The following HMCN1 variants were observed in gnomAD, a reference collection of about 807,000 sequenced individuals.
HMCN1 encodes the protein hemicentin-1.
HMCN1 carries 321 observed loss-of-function variants against 625.9 expected under a neutral mutation model. That is an observed-to-expected ratio of 0.51 (90% CI 0.47 to 0.56). The LOEUF is 0.56. Ranked by LOEUF, HMCN1 falls within the 20% of genes least tolerant of loss-of-function variation. HMCN1 has a pLI of 0.00. For missense variants in HMCN1, 6,588 were observed against 6,887.3 expected (o/e 0.96, Z 1.54); for synonymous variants, 2,425 against 2,417.6 (o/e 1.00, Z -0.09).
At chr1:185,963,629 A>G (rs1650188677) in intron 12 of HMCN1, 139 bp from the exon 13 acceptor site, 2 of 650,204 alleles carry the variant, frequency 3.1e-6, no homozygotes, top group East Asian at 2.8e-5. Context: ...TAAAATAATG[A>G]TGGTAACCAT....
chr1:185,898,310 A>G (rs1665601677), intron 4 of HMCN1, among the ~76,000 whole-genome samples: 2 of 152,190 alleles, frequency 1.3e-5, no homozygotes, highest in Admixed American at 6.6e-5. Context: ...CACTACCCAC[A>G]GGAAGGAGCA....
At chr1:186,166,688 C>T (rs2102622491) in intron 99 of HMCN1, 120 bp from the exon 100 acceptor site, 3 of 1,432,456 alleles carry the variant, frequency 2.1e-6, no homozygotes, top group African/African-American at 1.4e-5. Context: ...AACTTTAGTC[C>T]TTCTTGTTCT....
chr1:186,073,261 T>G (rs1270509600), intron 52 of HMCN1, among the ~76,000 whole-genome samples: 2 of 152,154 alleles, frequency 1.3e-5, no homozygotes, highest in East Asian at 3.9e-4. Context: ...AAATAAGTAC[T>G]TAGAAGTTAC....
At chr1:185,945,407 AC>A (rs768824848) in intron 11 of HMCN1, among the ~76,000 whole-genome samples, 1 of 152,216 alleles carries the variant, frequency 6.6e-6, no homozygotes, top group Non-Finnish European at 1.5e-5. Flanking sequence ...ATTTGTTTGT[AC>A]ATTTATTTAT....
At chr1:185,975,649 A>G (rs1032835473) in intron 15 of HMCN1, among the ~76,000 whole-genome samples, 1 of 152,170 alleles carries the variant, frequency 6.6e-6, no homozygotes. Flanking sequence ...CTATGTTTAA[A>G]TATGTTTAAA....
At chr1:185,901,234 A>G (rs957975927) in intron 4 of HMCN1, among the ~76,000 whole-genome samples, 1 of 151,766 alleles carries the variant, frequency 6.6e-6, no homozygotes, top group Non-Finnish European at 1.5e-5. Flanking sequence ...TCACCCTTAA[A>G]TTATTACGAC....
At chr1:186,142,198 CTT>C (rs1397628581) in intron 89 of HMCN1, among the ~76,000 whole-genome samples, 3 of 152,266 alleles carry the variant, frequency 2.0e-5, no homozygotes, top group Non-Finnish European at 1.5e-5. Context: ...TTGTTCCCCT[CTT>C]TCTGTCCATG....
At chr1:186,004,681 G>C (rs1187980783) in intron 29 of HMCN1, among the ~76,000 whole-genome samples, 1 of 152,074 alleles carries the variant, frequency 6.6e-6, no homozygotes, top group Non-Finnish European at 1.5e-5. Flanking sequence ...TGCTCTGATG[G>C]GGAGGATGTA....
At chr1:186,189,261 A>G (rs955224829) in intron 106 of HMCN1, among the ~76,000 whole-genome samples, 2 of 152,176 alleles carry the variant, frequency 1.3e-5, no homozygotes, top group African/African-American at 4.8e-5. Context: ...TACTTACTTC[A>G]ATGGCTCAGA....
intron 1 of HMCN1, among the ~76,000 whole-genome samples, chr1:185,780,828 G>T (rs1444545072): frequency 2.0e-5 from 3 of 152,132 alleles, no homozygotes; most frequent in Admixed American, 6.5e-5. Flanking sequence ...TTGTGTCTCT[G>T]CCAGGCTTTG....
intron 1 of HMCN1, among the ~76,000 whole-genome samples, chr1:185,802,409 G>A (rs766264691): frequency 2.6e-5 from 4 of 151,932 alleles, no homozygotes; most frequent in Admixed American, 1.3e-4. Context: ...ATCACCATGC[G>A]TAGTTTTTAA....
At chr1:186,088,367 A>T (rs1659649071) in intron 62 of HMCN1, 91 bp downstream of exon 62, 3 of 1,586,384 alleles carry the variant, frequency 1.9e-6, no homozygotes, top group Non-Finnish European at 2.6e-6. Context: ...TTTAAGTACC[A>T]TGCTCATAGG....
At chr1:185,751,117 C>T (rs2102093940) in intron 1 of HMCN1, among the ~76,000 whole-genome samples, 1 of 152,184 alleles carries the variant, frequency 6.6e-6, no homozygotes. Context: ...CTCATTGTTG[C>T]TTCTAGCTCC....
At chr1:185,993,796 C>G (rs1652601082) in intron 23 of HMCN1, among the ~76,000 whole-genome samples, 1 of 152,142 alleles carries the variant, frequency 6.6e-6, no homozygotes, top group Admixed American at 6.6e-5. Context: ...CCATCCAGTT[C>G]TTCATTCATT....
At chr1:186,027,260 C>CT (rs1655119546) in intron 36 of HMCN1, among the ~76,000 whole-genome samples, 1 of 152,182 alleles carries the variant, frequency 6.6e-6, no homozygotes, top group Admixed American at 6.5e-5. Context: ...AGTAGGTGGT[C>CT]TTTTTGATCA....
At chr1:185,770,675 C>T (rs923177191) in intron 1 of HMCN1, among the ~76,000 whole-genome samples, 63 of 152,272 alleles carry the variant, frequency 4.1e-4, no homozygotes, top group African/African-American at 1.4e-3. Context: ...TAAGTTATGG[C>T]AGTGTGAGAA....
chr1:185,794,286 A>G (rs1307588527), intron 1 of HMCN1, among the ~76,000 whole-genome samples: 1 of 152,038 alleles, frequency 6.6e-6, no homozygotes, highest in Non-Finnish European at 1.5e-5. Flanking sequence ...TATTGAATGT[A>G]TACAGTACAT....
chr1:186,123,136 C>T lies in HMCN1; in HGVS notation c.12415C>T (p.Gln4139Ter). ...TGGCTCTCTGCAAATAGCATTTGTCCAGCCTGGTGATGCTGGCCATTACAC... is the reference window on the plus strand; with the variant it reads ...TGGCTCTCTGCAAATAGCATTTGTCTAGCCTGGTGATGCTGGCCATTACAC... ...SSGSLQIAFV[Q>*]PGDAGHYTCM... Residue 4139 changes from glutamine (Q) to a stop codon, truncating the protein, a stop_gained, in exon 81 of 107, where the codon CAG (glutamine) becomes TAG (stop). Transcript: ENST00000271588. LOFTEE classifies it high-confidence loss of function. The T allele has an allele frequency of 1.2e-6, 2 of 1,614,058 alleles. No homozygotes were observed. Among genetic ancestry groups the T allele is most frequent in the Non-Finnish European group, 1.7e-6 (2 of 1,179,982 alleles).
chr1:186,074,852 G>T lies in HMCN1; in HGVS notation c.8251G>T (p.Ala2751Ser). Residue 2751 changes from alanine to serine, a missense_variant, in exon 53 of 107, where the codon GCA becomes TCA. Physicochemically the swap from Ala to Ser is moderately conservative, Grantham distance 99. Around this residue, in one of 3 missense-constraint regions of HMCN1, gnomAD observed 4,628 missense variants for 4,853.1 expected, o/e 0.95. Transcript: ENST00000271588. ...ATATACTTGTGTAGCATCTAACATTGCAGGTGAAGATGAGTTGGATTTTGA... is the reference window on the plus strand; with the variant it reads ...ATATACTTGTGTAGCATCTAACATTTCAGGTGAAGATGAGTTGGATTTTGA... ...GRYTCVASNI[A>S]GEDELDFDVN... 2 of 1,613,020 alleles carry T rather than the reference G, an allele frequency of 1.2e-6. No individual in the cohort carries two copies. The highest frequency in any genetic ancestry group is 1.7e-6 in the Non-Finnish European group (2 of 1,179,266).
Sources: allele counts gnomAD v4.1 joint callset (sites outside exome capture counted in the v4.1 genomes callset), GRCh38; gene constraint gnomAD v4.1.1; regional missense constraint gnomAD v4.1.1; transcripts MANE v1.5; gene names NCBI Gene and HGNC (gene_info 2026-07-23, HGNC 2026-07-21).